TNS3: variants seen among roughly 807,000 people sequenced by gnomAD.
TNS3 encodes the protein tensin 3.
TNS3 carries 45 observed loss-of-function variants against 140.9 expected under a neutral mutation model. That is an observed-to-expected ratio of 0.32 (90% CI 0.25 to 0.41). The LOEUF (loss-of-function observed/expected upper bound fraction) is 0.41, where lower values mean the gene tolerates loss of function less well. TNS3 is among the 10% of genes least tolerant of loss of function. The pLI, the probability that TNS3 is intolerant of heterozygous loss-of-function variation, is 1.00. For synonymous variants in TNS3, 815 were observed against 788.4 expected (o/e 1.03, Z -0.56); for missense variants, 1,716 against 1,906.7 (o/e 0.90, Z 1.86).
chr7:47,388,792 G>T (rs548159489), intron 16 of TNS3, among the ~76,000 whole-genome samples: 1 of 151,998 alleles, frequency 6.6e-6, no homozygotes, highest in African/African-American at 2.4e-5. Flanking sequence ...GCTTGAACCC[G>T]GGAGGTGGAG....
In TNS3 at chr7:47,369,232, C is replaced by T. The variant is rs760083913; in HGVS notation, c.1414G>A (p.Asp472Asn). Reference protein sequence around the residue: ...VHVNGDAALKDRETDILDDEM... With the variant: ...VHVNGDAALKNRETDILDDEM... ...TCATCCAGAATGTCTGTCTCCCGAT[C>T]CTTCAGAGCAGCGTCTCCATTCACG... The change falls in exon 17 of 31, where the codon GAT (aspartate) becomes AAT (asparagine). Residue 472 changes from aspartate (D) to asparagine (N), a missense_variant. This residue lies in a region of TNS3 where 1,163 missense variants were observed against 1,182.1 expected (regional missense o/e 0.98). Transcript: ENST00000311160. 2 of 1,614,228 alleles carry T rather than the reference C, an allele frequency of 1.2e-6. No homozygotes were observed. Among genetic ancestry groups the T allele is most frequent in the Non-Finnish European group, 1.7e-6 (2 of 1,180,050 alleles).
At chr7:47,429,831 A>C (rs940861) in intron 8 of TNS3, among the ~76,000 whole-genome samples, 1 of 152,016 alleles carries the variant, frequency 6.6e-6, no homozygotes, top group Non-Finnish European at 1.5e-5. Flanking sequence ...CATACATGAA[A>C]GTCACCCAGG....
At chr7:47,490,527 C>T (rs1201063437) in intron 3 of TNS3, among the ~76,000 whole-genome samples, 1 of 152,228 alleles carries the variant, frequency 6.6e-6, no homozygotes, top group East Asian at 1.9e-4. Context: ...TGCCCTGTGG[C>T]CTGCTGTGAG....
chr7:47,405,510 A>G, intron 13 of TNS3: 1 of 703,024 alleles, frequency 1.4e-6, no homozygotes, highest in Non-Finnish European at 2.6e-6. Context: ...TGATTTCTTC[A>G]CTTGGAGCTG....
intron 15 of TNS3, among the ~76,000 whole-genome samples, 180 bp from the exon 16 acceptor site, chr7:47,397,084 C>T (rs1003306400): frequency 5.3e-5 from 8 of 152,164 alleles, no homozygotes; most frequent in African/African-American, 1.7e-4. Flanking sequence ...TTTTCCACAA[C>T]TAGAACCATA....
intron 1 of TNS3, among the ~76,000 whole-genome samples, chr7:47,541,368 A>T (rs1422527231): frequency 6.6e-6 from 1 of 152,126 alleles, no homozygotes; most frequent in African/African-American, 2.4e-5. Context: ...ACACACACAC[A>T]TGCACACACA....
At chr7:47,502,379 C>T (rs1406409217) in intron 3 of TNS3, among the ~76,000 whole-genome samples, 3 of 152,200 alleles carry the variant, frequency 2.0e-5, no homozygotes, top group Non-Finnish European at 2.9e-5. Flanking sequence ...GGCCACTGAG[C>T]GTCTGTTGAC....
chr7:47,314,856 G>A (rs954191697), intron 20 of TNS3, among the ~76,000 whole-genome samples: 15 of 152,294 alleles, frequency 9.8e-5, no homozygotes, highest in South Asian at 2.1e-4. Context: ...AGAGCCCTGC[G>A]CCTGTGGCAG....
chr7:47,283,630 G>A (rs1486728870), intron 28 of TNS3, 67 bp downstream of exon 28: 3 of 1,426,364 alleles, frequency 2.1e-6, no homozygotes, highest in Admixed American at 2.5e-5. Flanking sequence ...TCACACTAGG[G>A]AAGAACAAGA....
At chr7:47,409,407 T>TGGTG in intron 13 of TNS3, among the ~76,000 whole-genome samples, 1 of 151,766 alleles carries the variant, frequency 6.6e-6, no homozygotes, top group African/African-American at 2.4e-5. Flanking sequence ...CCCATGCTCT[T>TGGTG]GGTGGGCGGT....
At chr7:47,460,609 C>G (rs891694947) in intron 4 of TNS3, among the ~76,000 whole-genome samples, 3 of 152,244 alleles carry the variant, frequency 2.0e-5, no homozygotes, top group Non-Finnish European at 4.4e-5. Context: ...TGGCAGGAAG[C>G]CAGGCTGACT....
chr7:47,389,109 CAGA>C (rs140799405), intron 16 of TNS3, among the ~76,000 whole-genome samples: 1,952 of 59,126 alleles, frequency 0.033, 466 homozygotes, highest in Non-Finnish European at 0.052. Flanking sequence ...GAAGCGGAAG[CAGA>C]AGAAGAAGAA....
At chr7:47,501,369 A>G (rs1053632648) in intron 3 of TNS3, among the ~76,000 whole-genome samples, 1 of 152,192 alleles carries the variant, frequency 6.6e-6, no homozygotes, top group Non-Finnish European at 1.5e-5. Context: ...AGCTGTGGCA[A>G]TGAGCTTCAC....
In TNS3 at chr7:47,379,806, G is replaced by A. The variant is rs577417556; in HGVS notation, c.1025-10185C>T. 1.8e-3 allele frequency among the ~76,000 whole-genome samples: 277 copies of A among 152,290 alleles called. 1 individual carries two copies. The highest frequency in any genetic ancestry group is 0.017 in the Middle Eastern group (5 of 292). On this transcript the variant is annotated intron_variant, in intron 16 of 30. Coordinates refer to ENST00000311160, the MANE Select transcript of TNS3 (RefSeq NM_022748.12). ...TGCCCAGCAGGAAAGAGGCTGCAGCGGCAGCACCAGGACACCTTGCTGAGA... is the reference window on the plus strand; with the variant it reads ...TGCCCAGCAGGAAAGAGGCTGCAGCAGCAGCACCAGGACACCTTGCTGAGA...
chr7:47,415,940 G>A (rs982832680), intron 10 of TNS3, among the ~76,000 whole-genome samples: 8 of 152,226 alleles, frequency 5.3e-5, no homozygotes, highest in South Asian at 2.1e-4. Flanking sequence ...GAGGCATGAC[G>A]TGGCAGCAGT....
rs1186295762 is a variant in TNS3 at position 47,579,422 on chromosome 7, GC to G, written c.-265+2628del. 2.6e-5 allele frequency: 4 copies of G among 152,254 alleles called. No homozygotes were observed. In the Middle Eastern group the frequency reaches 0.01, roughly 388 times the overall value. 9.4% of individuals were successfully genotyped at this position (152,254 alleles called of 1,614,324 possible). A position where few individuals can be genotyped will look rare whatever the true frequency, so the allele number is the denominator to read the frequency against. ...ACCAGATCAACCCGCAAGACAGGAG[GC>G]CCCTCCCTGGGAAATCTATGGGGGC... On this transcript the variant is annotated intron_variant, in intron 1 of 30. Coordinates refer to ENST00000311160, the MANE Select transcript of TNS3 (RefSeq NM_022748.12).
chr7:47,479,357 G>A (rs1014722640), intron 4 of TNS3, among the ~76,000 whole-genome samples: 1 of 152,168 alleles, frequency 6.6e-6, no homozygotes, highest in Non-Finnish European at 1.5e-5. Context: ...CACAGCTCTG[G>A]GGCCACCTGG....
chr7:47,524,996 A>T (rs574519095), intron 2 of TNS3, among the ~76,000 whole-genome samples: 2 of 152,252 alleles, frequency 1.3e-5, no homozygotes, highest in African/African-American at 4.8e-5. Context: ...AAAAAGGTAC[A>T]TGGCTGTTTT....
rs145880580 is a variant in TNS3 at position 47,507,412 on chromosome 7, T to G, written c.-152-468A>C. On this transcript the variant is annotated intron_variant, in intron 2 of 30. Coordinates refer to ENST00000311160, the MANE Select transcript of TNS3 (RefSeq NM_022748.12). ...CCCTTAAGAATCAGAATTTAAAGTG[T>G]CCATGAAAGACCGGATGGGAGCCTT... Among the ~76,000 whole-genome samples the G allele has an allele frequency of 9.8e-3, 1,491 of 152,238 alleles. 22 individuals carry two copies. Among genetic ancestry groups the G allele is most frequent in the African/African-American group, 0.034 (1,407 of 41,536 alleles).
Sources: gnomAD v4.1 joint callset for allele counts (sites outside exome capture counted in the v4.1 genomes callset) on GRCh38, gnomAD v4.1.1 for gene constraint, gnomAD v4.1.1 regional missense constraint, MANE v1.5 for transcripts, NCBI Gene and HGNC (gene_info 2026-07-23, HGNC 2026-07-21) for gene names.